The following ZDHHC18 variants were observed in gnomAD, a reference collection of about 807,000 sequenced individuals.
The protein encoded by ZDHHC18 is zDHHC palmitoyltransferase 18.
Under a neutral mutation model 37.5 loss-of-function variants are expected in ZDHHC18, and 23 were observed. The observed-to-expected ratio is 0.61, with a 90% CI of 0.44 to 0.87. The LOEUF (loss-of-function observed/expected upper bound fraction) is 0.87. Among genes scored for constraint, ZDHHC18 ranks in the 40% least tolerant of loss-of-function variants. The pLI is 0.00. For missense variants in ZDHHC18, 406 were observed against 525.6 expected (o/e 0.77, Z 2.22); for synonymous variants, 185 against 218.7 (o/e 0.85, Z 1.36).
At chr1:26,827,463 C>T (rs558440970) in intron 1 of ZDHHC18, among the ~76,000 whole-genome samples, 1 of 152,174 alleles carries the variant, frequency 6.6e-6, no homozygotes, top group South Asian at 2.1e-4. Context: ...CATGCCCCTC[C>T]ACGGCCCCCA....
intron 2 of ZDHHC18, among the ~76,000 whole-genome samples, chr1:26,836,662 AG>A (rs1308854607): frequency 2.8e-5 from 4 of 143,640 alleles, no homozygotes; most frequent in Non-Finnish European, 4.5e-5. Flanking sequence ...TCTGCCTCCC[AG>A]GTTCATGCCA....
intron 2 of ZDHHC18, among the ~76,000 whole-genome samples, chr1:26,834,665 G>A (rs1193302401): frequency 6.6e-6 from 1 of 152,140 alleles, no homozygotes; most frequent in Admixed American, 6.5e-5. Context: ...TCACCTTGTC[G>A]CCATGTAGAA....
chr1:26,852,469 C>T (rs2081710164), intron 6 of ZDHHC18, among the ~76,000 whole-genome samples: 1 of 152,202 alleles, frequency 6.6e-6, no homozygotes, highest in Non-Finnish European at 1.5e-5. Flanking sequence ...TGCCCCTGCG[C>T]TACCCTCCTT....
chr1:26,845,320 CTTTTTTTTTTTTTT>C (rs71007896), intron 2 of ZDHHC18, among the ~76,000 whole-genome samples: 25 of 45,234 alleles, frequency 5.5e-4, no homozygotes, highest in Middle Eastern at 0.02. Flanking sequence ...CTTCTTCATT[CTTTTTTTTTTTTTT>C]TTTTTTTTTT....
Position 26,853,771 on chromosome 1 carries a change from C to G in ZDHHC18, c.1095C>G (p.Pro365=). 6.2e-7 allele frequency: 1 copy of G among 1,614,082 alleles called. No homozygotes were observed. Among genetic ancestry groups the G allele is most frequent in the Non-Finnish European group, 8.5e-7 (1 of 1,180,036 alleles). Residue 365 remains proline (P), a synonymous_variant, in exon 8 of 8, where the codon CCC becomes CCG. Coordinates refer to ENST00000374142, the MANE Select transcript of ZDHHC18 (RefSeq NM_032283.3). ...TTGTGCAGTCCGACACCGTGTTGCC[C>G]TCACCCATCAGAAGCGATGAGCCAG... ...RGFVQSDTVL[P]SPIRSDEPAC... is the part of the protein sequence containing the mutation.
At chr1:26,827,369 T>C (rs896844260) in intron 1 of ZDHHC18, among the ~76,000 whole-genome samples, 1 of 137,766 alleles carries the variant, frequency 7.3e-6, no homozygotes, top group African/African-American at 2.7e-5. Flanking sequence ...TCCGCGCTGG[T>C]GCCCTCCACC....
intron 1 of ZDHHC18, among the ~76,000 whole-genome samples, chr1:26,830,936 C>T (rs940431756): frequency 2.6e-5 from 4 of 152,150 alleles, no homozygotes; most frequent in Non-Finnish European, 4.4e-5. Context: ...GCACATGCTA[C>T]CACACCCTGC....
intron 6 of ZDHHC18, among the ~76,000 whole-genome samples, chr1:26,852,039 C>T (rs1056996503): frequency 2.0e-5 from 3 of 152,338 alleles, no homozygotes; most frequent in Middle Eastern, 3.4e-3. Context: ...AGACCTCATC[C>T]TCTCATTCAG....
chr1:26,850,742 C>T lies in ZDHHC18; in HGVS notation c.833+136C>T. The T allele has an allele frequency of 9.4e-7, 1 of 1,066,544 alleles. No individual in the cohort carries two copies. The highest frequency in any genetic ancestry group is 1.4e-5 in the South Asian group (1 of 69,946). 66.1% of individuals were successfully genotyped at this position (1,066,544 alleles called of 1,614,324 possible). A position where few individuals can be genotyped will look rare whatever the true frequency, so the allele number is the denominator to read the frequency against. On this transcript the variant is annotated intron_variant, in intron 5 of 7. Coordinates refer to ENST00000374142, the MANE Select transcript of ZDHHC18 (RefSeq NM_032283.3). The surrounding 1 kb of genome is among the most constrained non-coding windows in gnomAD (Gnocchi z 6.1). ...TCCTCCAGAATCCAACATGCCAGCT[C>T]TTCTGTTCACACCCAGGCAAGAGCT...
chr1:26,841,838 A>T (rs979215740), intron 2 of ZDHHC18, among the ~76,000 whole-genome samples: 1 of 152,074 alleles, frequency 6.6e-6, no homozygotes, highest in African/African-American at 2.4e-5. Flanking sequence ...TATTTTACAG[A>T]TAAAGAAACT....
At chr1:26,835,657 C>T (rs1342960659) in intron 2 of ZDHHC18, among the ~76,000 whole-genome samples, 24 of 152,100 alleles carry the variant, frequency 1.6e-4, no homozygotes, top group Admixed American at 1.4e-3. Flanking sequence ...GCCAAGGTTG[C>T]GCCATTGCAC....
Position 26,855,933 on chromosome 1 carries a change from G to C in ZDHHC18, c.*2090G>C, listed in dbSNP as rs1557647665. On this transcript the variant is annotated 3_prime_UTR_variant, in exon 8 of 8. Transcript: ENST00000374142. ...TGCGGCTGAGCCCCCATGGGCACGT[G>C]AAAAGAGGCCATCCTGTCCCCTCTT... The C allele has an allele frequency of 3.8e-6, 1 of 265,148 alleles. No homozygotes were observed. Among genetic ancestry groups the C allele is most frequent in the Admixed American group, 4.2e-5 (1 of 24,004 alleles). The allele number at this position is 265,148 out of a possible 1,614,324, so 16.4% of individuals were successfully genotyped here.
Position 26,855,594 on chromosome 1 carries a change from G to A in ZDHHC18, c.*1751G>A, listed in dbSNP as rs2081729920. ...GCTTCACCCCAGCCTCAGGGCCCTG[G>A]GCCATCACTGCAGTGGCCCTGGGAG... On this transcript the variant is annotated 3_prime_UTR_variant, in exon 8 of 8. Coordinates refer to ENST00000374142, the MANE Select transcript of ZDHHC18 (RefSeq NM_032283.3). 6.5e-6 allele frequency: 1 copy of A among 152,774 alleles called. No homozygotes were observed. The highest frequency in any genetic ancestry group is 2.1e-4 in the South Asian group (1 of 4,838). 9.5% of individuals were successfully genotyped at this position (152,774 alleles called of 1,614,324 possible).
At chr1:26,830,608 A>G (rs985239811) in intron 1 of ZDHHC18, among the ~76,000 whole-genome samples, 5 of 152,174 alleles carry the variant, frequency 3.3e-5, no homozygotes, top group Admixed American at 3.3e-4. Flanking sequence ...TCTGGCACAT[A>G]GTAAGCCTTC....
At chr1:26,829,438 C>T (rs556232863) in intron 1 of ZDHHC18, among the ~76,000 whole-genome samples, 2 of 152,282 alleles carry the variant, frequency 1.3e-5, no homozygotes, top group East Asian at 3.9e-4. Context: ...ACTCCTACCT[C>T]TGGGCCAGTG....
intron 1 of ZDHHC18, among the ~76,000 whole-genome samples, chr1:26,830,942 C>T (rs2081586602): frequency 6.6e-6 from 1 of 152,082 alleles, no homozygotes; most frequent in Non-Finnish European, 1.5e-5. Flanking sequence ...GCTACCACAC[C>T]CTGCTAATTT....
intron 2 of ZDHHC18, among the ~76,000 whole-genome samples, chr1:26,839,825 T>TA (rs1490518957): frequency 6.6e-6 from 1 of 152,188 alleles, no homozygotes; most frequent in African/African-American, 2.4e-5. Flanking sequence ...TGAGGAGGAT[T>TA]CTGAGGCTGA....
intron 7 of ZDHHC18, 171 bp downstream of exon 7, chr1:26,853,036 C>T (rs1158427300): frequency 1.4e-5 from 8 of 583,638 alleles, no homozygotes; most frequent in Non-Finnish European, 2.1e-5. Context: ...TATTTAATCA[C>T]GTGCTCATTG....
intron 2 of ZDHHC18, among the ~76,000 whole-genome samples, chr1:26,841,737 C>T (rs1393083438): frequency 2.0e-5 from 3 of 152,168 alleles, no homozygotes; most frequent in Non-Finnish European, 2.9e-5. Context: ...ATGTCAGTGG[C>T]TCCTGGGAGG....
Sources: gnomAD v4.1 joint callset for allele counts (sites outside exome capture counted in the v4.1 genomes callset) on GRCh38, gnomAD v4.1.1 for gene constraint, Gnocchi (gnomAD v3.1) non-coding constraint, MANE v1.5 for transcripts, NCBI Gene and HGNC (gene_info 2026-07-23, HGNC 2026-07-21) for gene names.